Variants in SCG5 observed in about 807,000 individuals in gnomAD.
The protein encoded by SCG5 is neuroendocrine protein 7B2.
Under a neutral mutation model 25.7 loss-of-function variants are expected in SCG5, and 18 were observed. That is an observed-to-expected ratio of 0.70 (90% CI 0.48 to 1.04). The LOEUF is 1.04. SCG5 is among the 50% of genes least tolerant of loss of function. The probability of loss-of-function intolerance (pLI) is 0.00; values close to 1 mark genes in which losing one functional copy is unlikely to be tolerated. For missense variants in SCG5, 206 were observed against 259.8 expected (o/e 0.79, Z 1.42); for synonymous variants, 101 against 91.7 (o/e 1.10, Z -0.58).
At chr15:32,642,594 A>G (rs1294032026) in intron 1 of SCG5, among the ~76,000 whole-genome samples, 2 of 149,180 alleles carry the variant, frequency 1.3e-5, no homozygotes, top group Non-Finnish European at 3.0e-5. Flanking sequence ...AAAAAAAAAA[A>G]AGGGTTTGCA....
chr15:32,648,678 C>A (rs1423706725), intron 2 of SCG5, among the ~76,000 whole-genome samples: 5 of 151,898 alleles, frequency 3.3e-5, no homozygotes, highest in African/African-American at 1.2e-4. Flanking sequence ...CCTCCCATTC[C>A]TTGTGTAGCG....
At chr15:32,689,226 A>G (rs1198982485) in intron 4 of SCG5, among the ~76,000 whole-genome samples, 1 of 152,152 alleles carries the variant, frequency 6.6e-6, no homozygotes, top group Admixed American at 6.5e-5. Context: ...TTATTTATAT[A>G]GTATAAGTAT....
chr15:32,679,920 C>A lies in SCG5; in HGVS notation c.376+5C>A, dbSNP rs769242957. 1 of 1,601,480 alleles carries A rather than the reference C, an allele frequency of 6.2e-7. No individual in the cohort carries two copies. The highest frequency in any genetic ancestry group is 1.7e-5 in the Admixed American group (1 of 57,954). ...CCTGTCCTGTTGGAAAAACAGGTAA[C>A]AGATATGCCTTTGGGTTCCCATGAA... is the stretch of plus-strand genomic sequence containing the variant. On this transcript the variant is annotated splice_donor_5th_base_variant and intron_variant, in intron 3 of 5. Coordinates refer to ENST00000300175, the MANE Select transcript of SCG5 (RefSeq NM_001144757.3).
chr15:32,685,568 A>G (rs2054695188), intron 4 of SCG5, among the ~76,000 whole-genome samples: 1 of 152,240 alleles, frequency 6.6e-6, no homozygotes, highest in Non-Finnish European at 1.5e-5. Context: ...TTGTAATAAT[A>G]TAGAACTTGT....
chr15:32,693,594 T>A (rs1182374605), intron 5 of SCG5, among the ~76,000 whole-genome samples: 2 of 152,192 alleles, frequency 1.3e-5, no homozygotes, highest in African/African-American at 4.8e-5. Flanking sequence ...TGAATCAATA[T>A]AAAGAAACTA....
At chr15:32,653,242 A>G (rs2054061695) in intron 2 of SCG5, among the ~76,000 whole-genome samples, 2 of 152,214 alleles carry the variant, frequency 1.3e-5, no homozygotes, top group African/African-American at 4.8e-5. Context: ...AATTTTGTGA[A>G]TTTTCAATCA....
At chr15:32,645,916 G>C (rs1005502159) in intron 2 of SCG5, among the ~76,000 whole-genome samples, 5 of 152,076 alleles carry the variant, frequency 3.3e-5, no homozygotes, top group Non-Finnish European at 7.4e-5. Context: ...TGCCTCCCGG[G>C]TTCACACCAT....
intron 2 of SCG5, among the ~76,000 whole-genome samples, chr15:32,670,275 C>A (rs1458143868): frequency 6.6e-6 from 1 of 152,270 alleles, no homozygotes; most frequent in African/African-American, 2.4e-5. Context: ...ATAGTGCCAG[C>A]CAGGGTGTCT....
chr15:32,659,907 T>C (rs2054189440), intron 2 of SCG5, among the ~76,000 whole-genome samples: 1 of 151,438 alleles, frequency 6.6e-6, no homozygotes, highest in South Asian at 2.1e-4. Context: ...CAGCAGATGA[T>C]GGGAGGAATT....
intron 4 of SCG5, among the ~76,000 whole-genome samples, chr15:32,689,055 T>C (rs1464356100): frequency 6.6e-6 from 1 of 151,958 alleles, no homozygotes; most frequent in Admixed American, 6.6e-5. Flanking sequence ...AACCAACAAA[T>C]ATAACATCCA....
chr15:32,687,375 G>T (rs1196377453), intron 4 of SCG5, among the ~76,000 whole-genome samples: 2 of 152,182 alleles, frequency 1.3e-5, no homozygotes, highest in Non-Finnish European at 2.9e-5. Context: ...GAAAATATTA[G>T]AGATCAATGA....
chr15:32,666,743 T>C (rs2054323832), intron 2 of SCG5, among the ~76,000 whole-genome samples: 1 of 152,250 alleles, frequency 6.6e-6, no homozygotes, highest in African/African-American at 2.4e-5. Flanking sequence ...AGGACTATTT[T>C]ATTTTATCCT....
intron 2 of SCG5, among the ~76,000 whole-genome samples, chr15:32,656,583 G>T (rs1380641590): frequency 6.6e-6 from 1 of 152,204 alleles, no homozygotes; most frequent in Non-Finnish European, 1.5e-5. Context: ...CCATCCAGCT[G>T]TCTTCTATCC....
chr15:32,660,235 G>T (rs974376209), intron 2 of SCG5, among the ~76,000 whole-genome samples: 13 of 152,148 alleles, frequency 8.5e-5, no homozygotes, highest in African/African-American at 2.9e-4. Context: ...GGACAGGCGA[G>T]ATGTACCTGC....
At chr15:32,678,793 T>C (rs1228413802) in intron 2 of SCG5, among the ~76,000 whole-genome samples, 1 of 152,206 alleles carries the variant, frequency 6.6e-6, no homozygotes, top group East Asian at 1.9e-4. Context: ...GGTTAATATG[T>C]TGTAGTACAG....
intron 2 of SCG5, among the ~76,000 whole-genome samples, chr15:32,645,884 A>C (rs1003997477): frequency 2.0e-5 from 3 of 152,048 alleles, no homozygotes; most frequent in Admixed American, 6.5e-5. Flanking sequence ...GCAGTGGTGC[A>C]ATCTTGGCTC....
chr15:32,653,827 G>A (rs1447681783), intron 2 of SCG5, among the ~76,000 whole-genome samples: 1 of 152,106 alleles, frequency 6.6e-6, no homozygotes, highest in Non-Finnish European at 1.5e-5. Flanking sequence ...AAAATCTAGT[G>A]TTGGCTTATG....
At chr15:32,688,322 GA>G (rs2054761240) in intron 4 of SCG5, among the ~76,000 whole-genome samples, 1 of 152,152 alleles carries the variant, frequency 6.6e-6, no homozygotes, top group African/African-American at 2.4e-5. Context: ...ATTTACTTAA[GA>G]AAAAGTTGTC....
intron 2 of SCG5, among the ~76,000 whole-genome samples, chr15:32,660,524 C>T (rs2054198999): frequency 2.6e-5 from 4 of 152,216 alleles, no homozygotes; most frequent in African/African-American, 7.2e-5. Flanking sequence ...AAGAGTGAGC[C>T]TACCTTAGAT....
Sources: allele counts gnomAD v4.1 joint callset (sites outside exome capture counted in the v4.1 genomes callset), GRCh38; gene constraint gnomAD v4.1.1; transcripts MANE v1.5; gene names NCBI Gene and HGNC (gene_info 2026-07-23, HGNC 2026-07-21).